The following PRDM5 variants were observed in gnomAD, a reference collection of about 807,000 sequenced individuals.
PRDM5 encodes PR domain zinc finger protein 5.
PRDM5 carries 56 observed loss-of-function variants against 81.2 expected under a neutral mutation model. That is an observed-to-expected ratio of 0.69 (90% CI 0.56 to 0.86). The LOEUF is 0.86. PRDM5 is among the 40% of genes least tolerant of loss of function. The pLI, the probability that PRDM5 is intolerant of heterozygous loss-of-function variation, is 0.00. For synonymous variants in PRDM5, 267 were observed against 256.4 expected, an observed-to-expected ratio of 1.04 and a Z score of -0.39; for missense variants, 697 against 770.1, an observed-to-expected ratio of 0.91 and a Z score of 1.12.
chr4:120,831,602 G>C (rs1756721064), intron 3 of PRDM5, among the ~76,000 whole-genome samples: 1 of 152,044 alleles, frequency 6.6e-6, no homozygotes, highest in Non-Finnish European at 1.5e-5. Flanking sequence ...CAAATTATAT[G>C]AGGCAAAACA....
chr4:120,773,421 A>G (rs1747587030), intron 13 of PRDM5, among the ~76,000 whole-genome samples: 1 of 152,200 alleles, frequency 6.6e-6, no homozygotes, highest in Admixed American at 6.5e-5. Context: ...TGATATTAAC[A>G]TATCATCCCC....
intron 3 of PRDM5, among the ~76,000 whole-genome samples, chr4:120,837,109 G>A (rs75539458): frequency 0.2 from 30,276 of 152,020 alleles, 3,670 homozygotes; most frequent in Non-Finnish European, 0.28. Flanking sequence ...CTGACTGTCA[G>A]TCCAATACTA....
chr4:120,807,940 G>A (rs1047545607), intron 8 of PRDM5, among the ~76,000 whole-genome samples: 52 of 152,156 alleles, frequency 3.4e-4, no homozygotes, highest in African/African-American at 1.1e-3. Context: ...CGCGGTGAGT[G>A]TTACAGTTCT....
intron 2 of PRDM5, among the ~76,000 whole-genome samples, chr4:120,868,822 C>T (rs1761479666): frequency 2.0e-5 from 3 of 152,094 alleles, no homozygotes; most frequent in African/African-American, 7.2e-5. Context: ...TCTACACTCT[C>T]TTTGACCTAA....
chr4:120,869,786 T>C (rs1462417151), intron 2 of PRDM5, among the ~76,000 whole-genome samples: 1 of 152,120 alleles, frequency 6.6e-6, no homozygotes, highest in Non-Finnish European at 1.5e-5. Context: ...GTGTCTTTGA[T>C]CCTCCTTTGC....
At chr4:120,832,562 A>C (rs1367162979) in intron 3 of PRDM5, among the ~76,000 whole-genome samples, 1 of 152,104 alleles carries the variant, frequency 6.6e-6, no homozygotes, top group Admixed American at 6.6e-5. Flanking sequence ...CTTCCCCATG[A>C]GCTTGTGAGC....
rs541605805 is a variant in PRDM5, at chr4:120,910,446, TTC to T, written c.94-2891_94-2890del. Reference sequence around the variant, plus strand: ...GATTCCAGCACCAGCTACCCAATCCTTCTCTCTCTCTTTGTTCACTGTTGTCT... The same window carrying T: ...GATTCCAGCACCAGCTACCCAATCCTTCTCTCTCTTTGTTCACTGTTGTCT... On this transcript the variant is annotated intron_variant, in intron 1 of 15. Coordinates refer to ENST00000264808, the MANE Select transcript of PRDM5 (RefSeq NM_018699.4). 2.5e-3 allele frequency among the ~76,000 whole-genome samples: 382 copies of T among 152,276 alleles called. 1 individual carries two copies. The highest frequency in any genetic ancestry group is 8.8e-3 in the African/African-American group (366 of 41,566).
intron 14 of PRDM5, among the ~76,000 whole-genome samples, chr4:120,729,303 T>C (rs776472698): frequency 2.0e-4 from 30 of 152,334 alleles, no homozygotes; most frequent in Admixed American, 6.5e-4. Flanking sequence ...TTTTAATGAA[T>C]GACCTTTACC....
Position 120,754,563 on chromosome 4 carries a change from G to A in PRDM5, c.1613C>T (p.Thr538Ile), listed in dbSNP as rs140622920. 40 of 1,570,508 alleles carry A rather than the reference G, an allele frequency of 2.5e-5. No individual in the cohort carries two copies. The highest frequency in any genetic ancestry group is 4.1e-5 in the African/African-American group (3 of 73,844). ...KNDGLKMHIR[T>I]HTREKPYKCS... ...AGAATATAATCTTACCCTGGTGTGA[G>A]TACGAATGTGCATCTTCAGTCCATC... is the stretch of plus-strand genomic sequence containing the variant. The change falls in exon 14 of 16, where the codon ACT (threonine) becomes ATT (isoleucine). Residue 538 changes from threonine to isoleucine, a missense_variant. By Grantham distance (89) the Thr-to-Ile change is moderately conservative. Transcript: ENST00000264808.
chr4:120,700,201 C>G (rs771350245), intron 15 of PRDM5, among the ~76,000 whole-genome samples: 1 of 152,078 alleles, frequency 6.6e-6, no homozygotes, highest in African/African-American at 2.4e-5. Context: ...AGGAAAAGGG[C>G]TCCCTACTCA....
chr4:120,772,045 G>T (rs1365174349), intron 13 of PRDM5, among the ~76,000 whole-genome samples: 1 of 152,104 alleles, frequency 6.6e-6, no homozygotes. Context: ...CTAGTGGCAG[G>T]GGGCTAGGGT....
chr4:120,831,037 G>C (rs1490038910), intron 3 of PRDM5, among the ~76,000 whole-genome samples: 1 of 151,912 alleles, frequency 6.6e-6, no homozygotes, highest in African/African-American at 2.4e-5. Context: ...ACTTTTTCTT[G>C]TGATGTGAGC....
At chr4:120,729,009 G>C (rs998664742) in intron 14 of PRDM5, among the ~76,000 whole-genome samples, 4 of 152,154 alleles carry the variant, frequency 2.6e-5, no homozygotes, top group African/African-American at 9.7e-5. Flanking sequence ...TGCCTAGAAA[G>C]ATATGAATCT....
chr4:120,720,248 C>A (rs1369406843), intron 14 of PRDM5, among the ~76,000 whole-genome samples: 1 of 152,182 alleles, frequency 6.6e-6, no homozygotes, highest in African/African-American at 2.4e-5. Flanking sequence ...AGACAGGGGC[C>A]TGTGGTGGTC....
chr4:120,910,287 G>A (rs1371836359), intron 1 of PRDM5, among the ~76,000 whole-genome samples: 1 of 152,166 alleles, frequency 6.6e-6, no homozygotes, highest in East Asian at 1.9e-4. Flanking sequence ...TTATAAAAAT[G>A]TAAATAGCCA....
intron 8 of PRDM5, among the ~76,000 whole-genome samples, chr4:120,802,601 G>A (rs11098589): frequency 0.25 from 38,773 of 152,208 alleles, 5,658 homozygotes; most frequent in East Asian, 0.35. Context: ...AAGAGGGTCT[G>A]GAGTGGACCT....
chr4:120,794,527 A>T (rs1026486499), intron 10 of PRDM5, among the ~76,000 whole-genome samples: 1 of 90,130 alleles, frequency 1.1e-5, no homozygotes, highest in Admixed American at 1.1e-4. Flanking sequence ...ACACACACAC[A>T]CACACACACA....
chr4:120,906,705 A>G (rs979008373), intron 2 of PRDM5, among the ~76,000 whole-genome samples: 1 of 152,216 alleles, frequency 6.6e-6, no homozygotes, highest in African/African-American at 2.4e-5. Flanking sequence ...TTTAGACTGC[A>G]AAAGACTGTC....
chr4:120,793,517 G>A (rs1299260677), intron 10 of PRDM5, among the ~76,000 whole-genome samples: 1 of 152,210 alleles, frequency 6.6e-6, no homozygotes, highest in Non-Finnish European at 1.5e-5. Context: ...TGTCTTCCAT[G>A]AAACTGGTCC....
Sources: allele counts gnomAD v4.1 joint callset (sites outside exome capture counted in the v4.1 genomes callset), GRCh38; gene constraint gnomAD v4.1.1; transcripts MANE v1.5; gene names NCBI Gene and HGNC (gene_info 2026-07-23, HGNC 2026-07-21).